Variants in EPHX1 observed in about 807,000 individuals in gnomAD.
EPHX1 encodes the protein epoxide hydrolase 1.
Under a neutral mutation model 43.2 loss-of-function variants are expected in EPHX1, and 40 were observed. That is an observed-to-expected ratio of 0.93 (90% CI 0.72 to 1.21). EPHX1 has a LOEUF of 1.21. Among genes scored for constraint, EPHX1 ranks in the 50% most tolerant of loss-of-function variants. The pLI is 0.00. For missense variants in EPHX1, 550 were observed against 570.4 expected (o/e 0.96, Z 0.36); for synonymous variants, 221 against 226.7 (o/e 0.98, Z 0.22).
chr1:225,825,509 A>G (rs556374249), intron 1 of EPHX1: 11 of 152,220 alleles, frequency 7.2e-5, no homozygotes, highest in African/African-American at 1.2e-4. Context: ...CCTAGAGGGA[A>G]GCGACAGCAG....
chr1:225,828,652 G>T, intron 1 of EPHX1, 73 bp from the exon 2 acceptor site: 1 of 1,518,016 alleles, frequency 6.6e-7, no homozygotes, highest in Non-Finnish European at 9.1e-7. Context: ...AGCCTGCTGG[G>T]GATCAGAGTC....
At chr1:225,831,276 C>T (rs1268573961) in intron 2 of EPHX1, among the ~76,000 whole-genome samples, 1 of 152,204 alleles carries the variant, frequency 6.6e-6, no homozygotes, top group Non-Finnish European at 1.5e-5. Context: ...GAGCTGGGCG[C>T]AGTGGCTTAC....
At position 225,828,915 on chromosome 1, in the gene EPHX1, A is replaced by G; in HGVS notation, c.183+3A>G. ...AAACGTCAGATGAGGAGATCCACGT[A>G]AGGCACCTTGGGCCGGGCCGGGCTG... On this transcript the variant is annotated splice_donor_region_variant and intron_variant, in intron 2 of 8. Transcript: ENST00000272167. The G allele has an allele frequency of 6.4e-7, 1 of 1,565,410 alleles. No homozygotes were observed. The highest frequency in any genetic ancestry group is 2.4e-5 in the East Asian group (1 of 42,544).
At chr1:225,837,800 G>A (rs557517595) in intron 3 of EPHX1, among the ~76,000 whole-genome samples, 2 of 152,262 alleles carry the variant, frequency 1.3e-5, no homozygotes, top group Admixed American at 6.5e-5. Flanking sequence ...GATTACAGGC[G>A]TGAGCCACCA....
At position 225,838,795 on chromosome 1, in the gene EPHX1, AC is replaced by A; in HGVS notation, c.508del (p.His170MetfsTer3). The A allele has an allele frequency of 6.2e-7, 1 of 1,614,144 alleles. No homozygotes were observed. Among genetic ancestry groups the A allele is most frequent in the Non-Finnish European group, 8.5e-7 (1 of 1,180,022 alleles). On this transcript the variant is annotated frameshift_variant, in exon 4 of 9. Coordinates refer to ENST00000272167, the MANE Select transcript of EPHX1 (RefSeq NM_001136018.4). LOFTEE classifies it high-confidence loss of function. ...KIIPLLTDPK[N>X]HGLSDEHVFE... The stretch of plus-strand genomic sequence containing the variant: ...ATCCCACTCCTGACTGACCCCAAGA[AC>A]CATGGCCTGAGCGATGAGCACGTTT...
chr1:225,838,039 A>G (rs532936608), intron 3 of EPHX1, among the ~76,000 whole-genome samples: 1 of 152,358 alleles, frequency 6.6e-6, no homozygotes, highest in East Asian at 1.9e-4. Context: ...TTTAAAATTC[A>G]CCAATACATA....
intron 2 of EPHX1, among the ~76,000 whole-genome samples, chr1:225,830,919 G>A (rs1270461880): frequency 6.6e-6 from 1 of 152,126 alleles, no homozygotes; most frequent in African/African-American, 2.4e-5. Context: ...TAAATAGTTA[G>A]GGGGAAAAAA....
intron 1 of EPHX1, among the ~76,000 whole-genome samples, chr1:225,819,463 G>A (rs1006058823): frequency 6.6e-6 from 1 of 152,142 alleles, no homozygotes; most frequent in Non-Finnish European, 1.5e-5. Context: ...TGTTGGAAGG[G>A]GTAGAGCAGA....
Position 225,845,298 on chromosome 1 carries a change from T to C in EPHX1, c.1319T>C (p.Leu440Pro). Reference protein sequence around the residue: ...GHFAAFEEPELLAQDIRKFLS... With the variant: ...GHFAAFEEPEPLAQDIRKFLS... Reference sequence around the variant, plus strand: ...TTTGCGGCCTTTGAGGAGCCGGAGCTGCTCGCCCAGGACATCCGCAAGTTC... The same window carrying C: ...TTTGCGGCCTTTGAGGAGCCGGAGCCGCTCGCCCAGGACATCCGCAAGTTC... The change falls in exon 9 of 9, where the codon CTG (leucine) becomes CCG (proline). Residue 440 changes from leucine (L) to proline (P), a missense_variant. Coordinates refer to ENST00000272167, the MANE Select transcript of EPHX1 (RefSeq NM_001136018.4). 1 of 1,612,682 alleles carries C rather than the reference T, an allele frequency of 6.2e-7. No homozygotes were observed. The highest frequency in any genetic ancestry group is 8.5e-7 in the Non-Finnish European group (1 of 1,180,002).
intron 6 of EPHX1, among the ~76,000 whole-genome samples, chr1:225,841,750 C>T (rs1668446232): frequency 2.6e-5 from 4 of 151,764 alleles, no homozygotes; most frequent in Non-Finnish European, 2.9e-5. Flanking sequence ...TACAGGCATG[C>T]ACCACCATGC....
chr1:225,825,744 G>T (rs756977175), intron 1 of EPHX1, among the ~76,000 whole-genome samples: 2 of 152,202 alleles, frequency 1.3e-5, no homozygotes, highest in Admixed American at 6.5e-5. Context: ...TGCCCAGGAC[G>T]GGCACAGCCC....
chr1:225,832,467 G>A (rs1281400876), intron 3 of EPHX1, among the ~76,000 whole-genome samples: 1 of 152,236 alleles, frequency 6.6e-6, no homozygotes, highest in East Asian at 1.9e-4. Context: ...GCCAGGAGGC[G>A]GAGGTTGCAG....
In EPHX1 at chr1:225,840,009, C is replaced by T. The variant is rs976240160; in HGVS notation, c.903C>T (p.His301=). The T allele has an allele frequency of 1.2e-6, 2 of 1,614,008 alleles. No individual in the cohort carries two copies. The highest frequency in any genetic ancestry group is 1.7e-6 in the Non-Finnish European group (2 of 1,180,028). Residue 301 remains histidine, a synonymous_variant, in exon 6 of 9, where the codon CAC becomes CAT. Coordinates refer to ENST00000272167, the MANE Select transcript of EPHX1 (RefSeq NM_001136018.4). The part of the protein sequence containing the change: ...YSLMRESGYM[H]IQCTKPDTVG... ...TGATGAGGGAGAGCGGCTACATGCA[C>T]ATCCAGTGCACCAAGCCTGACACCG... is the stretch of plus-strand genomic sequence containing the variant.
intron 7 of EPHX1, among the ~76,000 whole-genome samples, chr1:225,843,142 A>G (rs901566445): frequency 1.3e-5 from 2 of 152,216 alleles, no homozygotes; most frequent in Non-Finnish European, 2.9e-5. Context: ...CCGGGTGAAC[A>G]GTGGGAGAGC....
rs34025126 is a variant in EPHX1, at chr1:225,817,021, CT to C, written c.-6+6861del. On this transcript the variant is annotated intron_variant, in intron 1 of 8. Coordinates refer to ENST00000272167, the MANE Select transcript of EPHX1 (RefSeq NM_001136018.4). The surrounding 1 kb of genome is among the most constrained non-coding windows in gnomAD (Gnocchi z 5.7). ...TTACTGCTCTTTTACTCTCCCCCAG[CT>C]TTTTTTTTCCTGCTTGTAAACTGCA... Among the ~76,000 whole-genome samples, 2 of 151,696 alleles carry C rather than the reference CT, an allele frequency of 1.3e-5. No individual in the cohort carries two copies. The highest frequency in any genetic ancestry group is 2.1e-4 in the South Asian group (1 of 4,788).
intron 1 of EPHX1, among the ~76,000 whole-genome samples, chr1:225,813,703 C>T (rs775138661): frequency 6.6e-6 from 1 of 152,246 alleles, no homozygotes; most frequent in Non-Finnish European, 1.5e-5. Context: ...TGACCTACGG[C>T]ATTCCAGGAG....
At chr1:225,813,571 C>T (rs1454600001) in intron 1 of EPHX1, among the ~76,000 whole-genome samples, 1 of 152,358 alleles carries the variant, frequency 6.6e-6, no homozygotes, top group East Asian at 1.9e-4. Flanking sequence ...ACTGAGCACA[C>T]GATTGTGCAA....
At chr1:225,835,315 C>T (rs1315725946) in intron 3 of EPHX1, among the ~76,000 whole-genome samples, 1 of 151,322 alleles carries the variant, frequency 6.6e-6, no homozygotes, top group Non-Finnish European at 1.5e-5. Context: ...ATTTCCTGAG[C>T]TCAAGCGATC....
chr1:225,840,859 T>C (rs1296312425), intron 6 of EPHX1: 1 of 152,296 alleles, frequency 6.6e-6, no homozygotes, highest in Admixed American at 6.5e-5. Flanking sequence ...GGCAAACCCA[T>C]GCCCACACAC....
Sources: allele counts gnomAD v4.1 joint callset (sites outside exome capture counted in the v4.1 genomes callset), GRCh38; gene constraint gnomAD v4.1.1; non-coding constraint Gnocchi (gnomAD v3.1); transcripts MANE v1.5; gene names NCBI Gene and HGNC (gene_info 2026-07-23, HGNC 2026-07-21).